ADAM15: variants seen among roughly 807,000 people sequenced by gnomAD.
ADAM15 encodes disintegrin and metalloproteinase domain-containing protein 15.
A neutral mutation model predicts 113.8 loss-of-function variants in ADAM15; 77 were observed. That is an observed-to-expected ratio of 0.68 (90% CI 0.56 to 0.82). The LOEUF (loss-of-function observed/expected upper bound fraction) is 0.82, where lower values mean the gene tolerates loss of function less well. Among genes scored for constraint, ADAM15 ranks in the 40% least tolerant of loss-of-function variants. The pLI is 0.00. For missense variants in ADAM15, 963 were observed against 1,120.1 expected (o/e 0.86, Z 2.00); for synonymous variants, 388 against 454.1 (o/e 0.85, Z 1.85).
In ADAM15 at chr1:155,057,688, GCA is replaced by G; in HGVS notation, c.1378_1379del (p.Gln460ValfsTer4). On this transcript the variant is annotated frameshift_variant, in exon 13 of 23. Transcript: ENST00000356955. LOFTEE classifies it high-confidence loss of function. The surrounding 1 kb of genome is among the most constrained non-coding windows in gnomAD (Gnocchi z 5.0). ...DSLTCQLRPG[A>X]QCASDGPCCQ... ...TTTGACCTGCCAGCTGAGGCCAGGTGCACAGTGTGCATCTGACGGACCCTGTT... is the reference window on the plus strand; with the variant it reads ...TTTGACCTGCCAGCTGAGGCCAGGTGCAGTGTGCATCTGACGGACCCTGTT... 1 of 1,614,206 alleles carries G rather than the reference GCA, an allele frequency of 6.2e-7. No individual in the cohort carries two copies. Among genetic ancestry groups the G allele is most frequent in the Non-Finnish European group, 8.5e-7 (1 of 1,180,042 alleles).
chr1:155,059,919 G>A lies in ADAM15; in HGVS notation c.2013G>A (p.Arg671=). 1 of 1,614,026 alleles carries A rather than the reference G, an allele frequency of 6.2e-7. No homozygotes were observed. The highest frequency in any genetic ancestry group is 8.5e-7 in the Non-Finnish European group (1 of 1,179,940). The change falls in exon 17 of 23, where the codon AGG becomes AGA. Residue 671 remains arginine, a synonymous_variant. Coordinates refer to ENST00000356955, the MANE Select transcript of ADAM15 (RefSeq NM_207197.3). ...CCTCCTAGGTCTGTGACAGCAACAG[G>A]CACTGCTACTGTGAGGAGGGCTGGG... The part of the protein sequence containing the change: ...CHGHGVCDSN[R]HCYCEEGWAP...
At chr1:155,053,115 C>CA (rs1661310532) in intron 2 of ADAM15, among the ~76,000 whole-genome samples, 2 of 132,098 alleles carry the variant, frequency 1.5e-5, no homozygotes, top group Admixed American at 7.3e-5. Flanking sequence ...AAACCCCCCC[C>CA]CCCCCACCCC....
In ADAM15 at chr1:155,052,825, C is replaced by T. The variant is rs199786202; in HGVS notation, c.186+48C>T. ...TAAATAAACGAATCCACACACGCCC[C>T]GGTATAGCCAGGTGTCTCAAAGCCA... On this transcript the variant is annotated intron_variant, in intron 2 of 22. Coordinates refer to ENST00000356955, the MANE Select transcript of ADAM15 (RefSeq NM_207197.3). 1,273 of 1,553,952 alleles carry T rather than the reference C, an allele frequency of 8.2e-4. 1 individual carries two copies. Among genetic ancestry groups the T allele is most frequent in the Non-Finnish European group, 8.8e-4 (1,006 of 1,146,784 alleles).
In ADAM15 at chr1:155,053,459, G is replaced by A. The variant is rs184385376; in HGVS notation, c.229G>A (p.Gly77Ser). 32 of 1,614,150 alleles carry A rather than the reference G, an allele frequency of 2.0e-5. No homozygotes were observed. Among genetic ancestry groups the A allele is most frequent in the African/African-American group, 4.0e-5 (3 of 75,028 alleles). ...EPLRIKLELD[G>S]DSHILELLQN... ...CCTGAGGATCAAGTTGGAGCTGGAC[G>A]GTGACAGTCATATCCTGGAGCTGCT... The change falls in exon 3 of 23, where the codon GGT becomes AGT. Residue 77 changes from glycine to serine, a missense_variant. Coordinates refer to ENST00000356955, the MANE Select transcript of ADAM15 (RefSeq NM_207197.3).
Position 155,057,524 on chromosome 1 carries a change from G to C in ADAM15, c.1324-113G>C. 1.3e-6 allele frequency: 2 copies of C among 1,498,572 alleles called. No homozygotes were observed. Among genetic ancestry groups the C allele is most frequent in the Non-Finnish European group, 1.8e-6 (2 of 1,088,312 alleles). 92.8% of individuals were successfully genotyped at this position (1,498,572 alleles called of 1,614,324 possible). A position where few individuals can be genotyped will look rare whatever the true frequency, so the allele number is the denominator to read the frequency against. ...ACAGCACATGGGTTGTTGGGCTCTA[G>C]CCCTCGCTTGCTGTGTAGCTTCTGG... On this transcript the variant is annotated intron_variant, in intron 12 of 22. Coordinates refer to ENST00000356955, the MANE Select transcript of ADAM15 (RefSeq NM_207197.3). The surrounding 1 kb of genome is among the most constrained non-coding windows in gnomAD (Gnocchi z 5.0).
In ADAM15 at chr1:155,056,993, C is replaced by T. The variant is rs755597483; in HGVS notation, c.1040C>T (p.Ala347Val). The change falls in exon 11 of 23, where the codon GCC becomes GTC. Residue 347 changes from alanine (A) to valine (V), a missense_variant. Transcript: ENST00000356955. This position sits in a 1 kb window ranked among gnomAD's most constrained non-coding sequence, Gnocchi z 4.0. ...ATCCTGGGAGTCGCCTCCTCCATAG[C>T]CCATGAGTTGGGCCACAGCCTGGGC... ...TSILGVASSI[A>V]HELGHSLGLD... 1.9e-6 allele frequency: 3 copies of T among 1,603,316 alleles called. No homozygotes were observed. Among genetic ancestry groups the T allele is most frequent in the South Asian group, 1.1e-5 (1 of 89,672 alleles).
rs1349957615 is a variant in ADAM15, at chr1:155,052,196, G to C, written c.80-475G>C. The C allele has an allele frequency of 4.0e-5, 14 of 348,726 alleles. No homozygotes were observed. The East Asian group carries it at 6.7e-4, about 17-fold the overall frequency. 21.6% of individuals were successfully genotyped at this position (348,726 alleles called of 1,614,324 possible). A position where few individuals can be genotyped will look rare whatever the true frequency, so the allele number is the denominator to read the frequency against. On this transcript the variant is annotated intron_variant, in intron 1 of 22. Transcript: ENST00000356955. Reference sequence around the variant, plus strand: ...GCAGCGGGTGTGCCTGACTGGGCATGAGGGTGTTTAGGGAGGTGGGGGTGT... The same window carrying C: ...GCAGCGGGTGTGCCTGACTGGGCATCAGGGTGTTTAGGGAGGTGGGGGTGT...
chr1:155,054,175 T>C lies in ADAM15; in HGVS notation c.368T>C (p.Val123Ala). Reference sequence around the variant, plus strand: ...GAGAACTGCTGCTACCAGGGAAGAGTGCGGGGATATGCAGGCTCCTGGGTG... The same window carrying C: ...GAGAACTGCTGCTACCAGGGAAGAGCGCGGGGATATGCAGGCTCCTGGGTG... ...TLENCCYQGRVRGYAGSWVSI... is the reference protein window; with the variant it reads ...TLENCCYQGRARGYAGSWVSI... The change falls in exon 5 of 23, where the codon GTG becomes GCG. Residue 123 changes from valine (V) to alanine (A), a missense_variant. Val to Ala is a moderately conservative substitution (Grantham distance 64, BLOSUM62 0). Coordinates refer to ENST00000356955, the MANE Select transcript of ADAM15 (RefSeq NM_207197.3). The C allele has an allele frequency of 6.2e-7, 1 of 1,612,910 alleles. No individual in the cohort carries two copies. Among genetic ancestry groups the C allele is most frequent in the Admixed American group, 1.7e-5 (1 of 59,650 alleles).
chr1:155,061,233 G>A (rs1040535763), intron 19 of ADAM15, 182 bp from the exon 20 acceptor site: 2 of 590,864 alleles, frequency 3.4e-6, no homozygotes, highest in Non-Finnish European at 6.1e-6. Flanking sequence ...TGGATGATGG[G>A]AGTGTGTGCA....
rs968605935 is a variant in ADAM15, at chr1:155,058,628, G to A, written c.1918-82G>A. The A allele has an allele frequency of 1.3e-6, 2 of 1,564,236 alleles. No individual in the cohort carries two copies. Among genetic ancestry groups the A allele is most frequent in the African/African-American group, 1.4e-5 (1 of 73,334 alleles). On this transcript the variant is annotated intron_variant, in intron 15 of 22. Transcript: ENST00000356955. The surrounding 1 kb of genome is among the most constrained non-coding windows in gnomAD (Gnocchi z 4.3). ...TGGTTTCCCCATCTGTAAACGCAGG[G>A]TATGGCCTCAACCTTATTGGCCTCC...
chr1:155,055,713 C>T, intron 6 of ADAM15, 77 bp from the exon 7 acceptor site: 1 of 1,517,156 alleles, frequency 6.6e-7, no homozygotes, highest in Non-Finnish European at 9.2e-7. Flanking sequence ...GTAGGAGTGG[C>T]TGCCTCTTGG....
chr1:155,054,269 C>A, intron 5 of ADAM15, 43 bp downstream of exon 5: 1 of 1,584,698 alleles, frequency 6.3e-7, no homozygotes, highest in Non-Finnish European at 8.6e-7. Context: ...AGTAAGGAGA[C>A]CCAGGCATGG....
Position 155,057,438 on chromosome 1 carries a change from C to T in ADAM15, c.1323+76C>T, listed in dbSNP as rs934551696. The T allele has an allele frequency of 6.9e-6, 11 of 1,584,656 alleles. No homozygotes were observed. In the East Asian group the frequency reaches 1.6e-4, roughly 23 times the overall value. On this transcript the variant is annotated intron_variant, in intron 12 of 22. Transcript: ENST00000356955. This position sits in a 1 kb window ranked among gnomAD's most constrained non-coding sequence, Gnocchi z 5.0. ...TGGCTCATTAGCCCTATCCCAGCCTCCTGAGCTCTTGGGTTCTGAAGGGAC... is the reference window on the plus strand; with the variant it reads ...TGGCTCATTAGCCCTATCCCAGCCTTCTGAGCTCTTGGGTTCTGAAGGGAC...
intron 2 of ADAM15, among the ~76,000 whole-genome samples, chr1:155,053,110 C>A (rs1360312460): frequency 2.0e-3 from 205 of 103,414 alleles, no homozygotes; most frequent in African/African-American, 0.01. Context: ...TTACCAAACC[C>A]CCCCCCCCCC....
Position 155,057,859 on chromosome 1 carries a change from G to A in ADAM15, c.1425G>A (p.Pro475=), listed in dbSNP as rs142651689. 42 of 1,613,158 alleles carry A rather than the reference G, an allele frequency of 2.6e-5. No homozygotes were observed. The highest frequency in any genetic ancestry group is 6.7e-5 in the African/African-American group (5 of 75,050). ...GPCCQNCQLR[P]SGWQCRPTRG... Reference sequence around the variant, plus strand: ...TCATCCACCCTCCACAGCTGCGCCCGTCTGGCTGGCAGTGTCGTCCTACCA... The same window carrying A: ...TCATCCACCCTCCACAGCTGCGCCCATCTGGCTGGCAGTGTCGTCCTACCA... Residue 475 remains proline (P), a synonymous_variant, in exon 14 of 23, where the codon CCG becomes CCA. Transcript: ENST00000356955. This position sits in a 1 kb window ranked among gnomAD's most constrained non-coding sequence, Gnocchi z 5.0.
rs1402130654 is a variant in ADAM15 at position 155,059,755 on chromosome 1, T to C, written c.1996-147T>C. 21 of 777,816 alleles carry C rather than the reference T, an allele frequency of 2.7e-5. No homozygotes were observed. The East Asian group carries it at 5.0e-4, about 18-fold the overall frequency. The allele number at this position is 777,816 out of a possible 1,614,324, so 48.2% of individuals were successfully genotyped here. On this transcript the variant is annotated intron_variant, in intron 16 of 22. Coordinates refer to ENST00000356955, the MANE Select transcript of ADAM15 (RefSeq NM_207197.3). ...GTTAGTTTGATCTAATTTGCTCTGG[T>C]ATGGATAAAGACCCTCCCTCCGGGC...
At position 155,058,271 on chromosome 1, in the gene ADAM15, T is replaced by G; in HGVS notation, c.1747T>G (p.Cys583Gly). The G allele has an allele frequency of 6.2e-7, 1 of 1,614,090 alleles. No individual in the cohort carries two copies. Among genetic ancestry groups the G allele is most frequent in the Non-Finnish European group, 8.5e-7 (1 of 1,180,034 alleles). ...AGATGCCATTTGTGGGCAGCTCCAG[T>G]GCCAGACAGGTAGGACCCAGCCTCT... ...PRDAICGQLQ[C>G]QTGRTQPLLG... Residue 583 changes from cysteine to glycine, a missense_variant, in exon 15 of 23, where the codon TGC becomes GGC. Transcript: ENST00000356955. The surrounding 1 kb of genome is among the most constrained non-coding windows in gnomAD (Gnocchi z 4.3).
intron 17 of ADAM15, 61 bp downstream of exon 17, chr1:155,060,035 G>A: frequency 6.3e-7 from 1 of 1,596,890 alleles, no homozygotes; most frequent in Non-Finnish European, 8.6e-7. Flanking sequence ...GCTTTATCTT[G>A]CCCCCTCGGC....
rs750744904 is a variant in ADAM15, at chr1:155,054,164, C to T, written c.357C>T (p.Tyr119=). ...CCATGCTGCAGGAGAACTGCTGCTACCAGGGAAGAGTGCGGGGATATGCAG... is the reference window on the plus strand; with the variant it reads ...CCATGCTGCAGGAGAACTGCTGCTATCAGGGAAGAGTGCGGGGATATGCAG... ...SEGHTLENCC[Y]QGRVRGYAGS... is the part of the protein sequence containing the mutation. The change falls in exon 5 of 23, where the codon TAC becomes TAT. Residue 119 remains tyrosine, a synonymous_variant. Transcript: ENST00000356955. 6.2e-7 allele frequency: 1 copy of T among 1,613,952 alleles called. No individual in the cohort carries two copies. Among genetic ancestry groups the T allele is most frequent in the Non-Finnish European group, 8.5e-7 (1 of 1,179,950 alleles).
Sources: allele counts gnomAD v4.1 joint callset (sites outside exome capture counted in the v4.1 genomes callset), GRCh38; gene constraint gnomAD v4.1.1; non-coding constraint Gnocchi (gnomAD v3.1); transcripts MANE v1.5; gene names NCBI Gene and HGNC (gene_info 2026-07-23, HGNC 2026-07-21).